MAP3K13: variants seen among roughly 807,000 people sequenced by gnomAD.
The protein encoded by MAP3K13 is leucine zipper-bearing kinase.
In MAP3K13, 52 loss-of-function variants were observed where a neutral mutation model predicts 104.0. That is an observed-to-expected ratio of 0.50 (90% confidence interval 0.40 to 0.63). MAP3K13 has a LOEUF of 0.63. Ranked by LOEUF, MAP3K13 falls within the 20% of genes least tolerant of loss-of-function variation. MAP3K13 has a pLI of 0.00. For missense variants in MAP3K13, 914 were observed against 1,218.5 expected (o/e 0.75, Z 3.72); for synonymous variants, 394 against 442.2 (o/e 0.89, Z 1.37).
intron 1 of MAP3K13, among the ~76,000 whole-genome samples, chr3:185,393,105 G>C (rs1032297863): frequency 7.2e-5 from 11 of 152,064 alleles, no homozygotes; most frequent in Non-Finnish European, 1.3e-4. Context: ...CTAATGACCT[G>C]TGCTAGAAGG....
At chr3:185,415,582 T>C (rs1403991049) in intron 1 of MAP3K13, among the ~76,000 whole-genome samples, 3 of 146,194 alleles carry the variant, frequency 2.1e-5, no homozygotes, top group Non-Finnish European at 3.0e-5. Context: ...AATTTCTTTT[T>C]TTTTTTTTTT....
intron 2 of MAP3K13, among the ~76,000 whole-genome samples, chr3:185,347,048 G>A (rs1019618861): frequency 4.8e-5 from 7 of 147,126 alleles, no homozygotes; most frequent in African/African-American, 1.5e-4. Context: ...GTGCAGTGGC[G>A]CAATCTCGGC....
At position 185,473,320 on chromosome 3, in the gene MAP3K13, A is replaced by T. The variant is rs1717917198; in HGVS notation, c.1989A>T (p.Ile663=). ...GACTCAATATGCACGGACAGGACATAGCAACCTGCGCCAACAACCTGAGGT... is the reference window on the plus strand; with the variant it reads ...GACTCAATATGCACGGACAGGACATTGCAACCTGCGCCAACAACCTGAGGT... ...HPRLNMHGQD[I]ATCANNLRYF... Residue 663 remains isoleucine (I), a synonymous_variant, in exon 11 of 14, where the codon ATA becomes ATT. Transcript: ENST00000265026. This position sits in a 1 kb window ranked among gnomAD's most constrained non-coding sequence, Gnocchi z 4.9. 1 of 1,614,230 alleles carries T rather than the reference A, an allele frequency of 6.2e-7. No individual in the cohort carries two copies. The highest frequency in any genetic ancestry group is 8.5e-7 in the Non-Finnish European group (1 of 1,180,030).
chr3:185,371,207 T>G (rs913625634), intron 1 of MAP3K13, among the ~76,000 whole-genome samples: 2 of 152,224 alleles, frequency 1.3e-5, no homozygotes, highest in African/African-American at 4.8e-5. Context: ...CCTTTTCATT[T>G]GTATGTTCAT....
chr3:185,388,549 G>A (rs930778265), intron 1 of MAP3K13, among the ~76,000 whole-genome samples: 1 of 151,924 alleles, frequency 6.6e-6, no homozygotes, highest in African/African-American at 2.4e-5. Flanking sequence ...CAAACAAATG[G>A]ACAGCTATCA....
At chr3:185,426,078 C>T (rs753824072) in intron 1 of MAP3K13, among the ~76,000 whole-genome samples, 7 of 144,136 alleles carry the variant, frequency 4.9e-5, no homozygotes, top group Non-Finnish European at 9.1e-5. Flanking sequence ...TCTCCCTCTT[C>T]TCCTTCTTCT....
intron 1 of MAP3K13, among the ~76,000 whole-genome samples, chr3:185,415,077 G>A (rs887279170): frequency 6.6e-6 from 1 of 152,132 alleles, no homozygotes; most frequent in Admixed American, 6.6e-5. Context: ...GCTCCTGAGA[G>A]CAGAGCCAGT....
chr3:185,376,131 G>A lies in MAP3K13; in HGVS notation c.-86+12763G>A, dbSNP rs145082150. On this transcript the variant is annotated intron_variant, in intron 1 of 13. Transcript: ENST00000265026. ...TGAAGGAAACATGGGGAAATGGAGT[G>A]GATGTCAGGTGGATCAGAGAGATAC... 8.2e-3 allele frequency among the ~76,000 whole-genome samples: 1,253 copies of A among 152,178 alleles called. 20 individuals are homozygous for A. Among genetic ancestry groups the A allele is most frequent in the African/African-American group, 0.029 (1,194 of 41,492 alleles).
At chr3:185,471,164 CCTGGATTTTTTT>C (rs1482423917) in intron 10 of MAP3K13, among the ~76,000 whole-genome samples, 2 of 152,052 alleles carry the variant, frequency 1.3e-5, no homozygotes, top group Non-Finnish European at 2.9e-5. Flanking sequence ...GTGAAGGTTT[CCTGGATTTTTTT>C]CTGCTAATGT....
chr3:185,375,375 G>C (rs1023691369), intron 1 of MAP3K13, among the ~76,000 whole-genome samples: 25 of 152,118 alleles, frequency 1.6e-4, no homozygotes, highest in African/African-American at 5.8e-4. Context: ...AGGAGTAGTA[G>C]AATAGCAGAT....
intron 1 of MAP3K13, among the ~76,000 whole-genome samples, chr3:185,384,527 T>C (rs994132944): frequency 6.6e-6 from 1 of 152,226 alleles, no homozygotes; most frequent in African/African-American, 2.4e-5. Context: ...TTGTAGTTTT[T>C]TGAGAAACCT....
intron 1 of MAP3K13, among the ~76,000 whole-genome samples, chr3:185,284,226 ATATGT>A (rs1720422244): frequency 1.3e-5 from 2 of 152,206 alleles, no homozygotes; most frequent in African/African-American, 2.4e-5. Flanking sequence ...CTCACTAAAA[ATATGT>A]TATAATTGAG....
intron 1 of MAP3K13, among the ~76,000 whole-genome samples, chr3:185,415,738 C>T (rs1050598154): frequency 6.6e-6 from 1 of 151,954 alleles, no homozygotes; most frequent in African/African-American, 2.4e-5. Context: ...CATGTGCCAC[C>T]ACACCCAGCT....
intron 2 of MAP3K13, among the ~76,000 whole-genome samples, chr3:185,346,529 T>G (rs1722930601): frequency 6.6e-6 from 1 of 152,346 alleles, no homozygotes; most frequent in African/African-American, 2.4e-5. Flanking sequence ...TTGAATAGTT[T>G]TATCATAATT....
intron 1 of MAP3K13, among the ~76,000 whole-genome samples, chr3:185,409,233 T>C (rs1308651429): frequency 1.3e-5 from 2 of 152,148 alleles, no homozygotes; most frequent in Non-Finnish European, 2.9e-5. Flanking sequence ...CCAGGCGTGG[T>C]GGTGTGTGCC....
rs912928198 is a variant in MAP3K13, at chr3:185,381,480, CA to C, written c.-86+18119del. On this transcript the variant is annotated intron_variant, in intron 1 of 13. Coordinates refer to ENST00000265026, the MANE Select transcript of MAP3K13 (RefSeq NM_004721.5). ...TCATTTGCAGACATGCACACAACAG[CA>C]AAAAAACTGAGTCACCTGACATAAC... Among the ~76,000 whole-genome samples the C allele has an allele frequency of 7.3e-4, 111 of 152,224 alleles. No homozygotes were observed. In the Middle Eastern group the frequency reaches 0.01, roughly 14 times the overall value.
Position 185,482,467 on chromosome 3 carries a change from C to T in MAP3K13, c.*11C>T, listed in dbSNP as rs911393743. On this transcript the variant is annotated 3_prime_UTR_variant, in exon 14 of 14. Transcript: ENST00000265026. The surrounding 1 kb of genome is among the most constrained non-coding windows in gnomAD (Gnocchi z 4.5). ...TCTGCTACCTGGTAATGAAGGAATA[C>T]ACATCCTGAAGATCTCGTGACTATA... 6.3e-7 allele frequency: 1 copy of T among 1,589,454 alleles called. No individual in the cohort carries two copies. The highest frequency in any genetic ancestry group is 1.3e-5 in the African/African-American group (1 of 74,414).
intron 2 of MAP3K13, among the ~76,000 whole-genome samples, chr3:185,331,391 G>A (rs11715113): frequency 0.68 from 102,982 of 151,820 alleles, 36,326 homozygotes; most frequent in Middle Eastern, 0.79. Context: ...CACTGCGCCT[G>A]GCCTTTTCTT....
intron 2 of MAP3K13, among the ~76,000 whole-genome samples, chr3:185,294,688 A>G (rs1720858081): frequency 6.6e-6 from 1 of 152,188 alleles, no homozygotes; most frequent in African/African-American, 2.4e-5. Flanking sequence ...TGTAATTGAC[A>G]TTTTGTTGTT....
Sources: gnomAD v4.1 joint callset for allele counts (sites outside exome capture counted in the v4.1 genomes callset) on GRCh38, gnomAD v4.1.1 for gene constraint, Gnocchi (gnomAD v3.1) non-coding constraint, MANE v1.5 for transcripts, NCBI Gene and HGNC (gene_info 2026-07-23, HGNC 2026-07-21) for gene names.